TNFSF13B: variants seen among roughly 807,000 people sequenced by gnomAD.
TNFSF13B encodes tumor necrosis factor ligand superfamily member 13B.
TNFSF13B carries 8 observed loss-of-function variants against 29.1 expected under a neutral mutation model. The observed-to-expected ratio is 0.27, with a 90% CI of 0.16 to 0.50. The LOEUF is 0.50. Among genes scored for constraint, TNFSF13B ranks in the 20% least tolerant of loss-of-function variants. TNFSF13B has a pLI of 0.98. For synonymous variants in TNFSF13B, 125 were observed against 130.8 expected (o/e 0.96, Z 0.30); for missense variants, 248 against 334.9 (o/e 0.74, Z 2.03).
chr13:108,303,186 C>A (rs1158139306), intron 3 of TNFSF13B, 67 bp from the exon 4 acceptor site: 4 of 995,540 alleles, frequency 4.0e-6, no homozygotes, highest in African/African-American at 1.7e-5. Context: ...GGTAGCTTAA[C>A]AACTAAATGG....
chr13:108,286,795 CT>C lies in TNFSF13B; in HGVS notation c.425-3del. The C allele has an allele frequency of 1.3e-6, 2 of 1,546,868 alleles. No individual in the cohort carries two copies. Among genetic ancestry groups the C allele is most frequent in the South Asian group, 1.2e-5 (1 of 83,754 alleles). ...AAGTAACTAAAATGATAAATTTTTG[CT>C]TTTTAGTCACTCAAGACTGCTTGCA... On this transcript the variant is annotated splice_region_variant and splice_polypyrimidine_tract_variant and intron_variant, in intron 2 of 5. Transcript: ENST00000375887.
In TNFSF13B at chr13:108,303,296, A is replaced by T; in HGVS notation, c.525A>T (p.Gly175=). The change falls in exon 4 of 6, where the codon GGA becomes GGT. Residue 175 remains glycine, a synonymous_variant. Coordinates refer to ENST00000375887, the MANE Select transcript of TNFSF13B (RefSeq NM_006573.5). ...CATGGCTTCTCAGCTTTAAAAGGGG[A>T]AGTGCCCTAGAAGAAAAAGAGAATA... is the stretch of plus-strand genomic sequence containing the variant. ...FVPWLLSFKR[G]SALEEKENKI... The T allele has an allele frequency of 6.2e-7, 1 of 1,613,316 alleles. No individual in the cohort carries two copies. Among genetic ancestry groups the T allele is most frequent in the Non-Finnish European group, 8.5e-7 (1 of 1,179,606 alleles).
intron 2 of TNFSF13B, among the ~76,000 whole-genome samples, chr13:108,279,922 T>C (rs1880884122): frequency 6.6e-6 from 1 of 152,054 alleles, no homozygotes; most frequent in African/African-American, 2.4e-5. Flanking sequence ...AAGTGTCACC[T>C]CCCAGAGAAG....
chr13:108,284,247 T>G (rs1199201200), intron 2 of TNFSF13B, among the ~76,000 whole-genome samples: 1 of 152,176 alleles, frequency 6.6e-6, no homozygotes, highest in Non-Finnish European at 1.5e-5. Flanking sequence ...GAGAATGGCG[T>G]GAGCGCGGGA....
intron 2 of TNFSF13B, 78 bp downstream of exon 2, chr13:108,270,502 A>C: frequency 7.6e-7 from 1 of 1,319,484 alleles, no homozygotes; most frequent in South Asian, 1.2e-5. Context: ...GGAGGTGAGT[A>C]TCCCCTCTAT....
rs775818455 is a variant in TNFSF13B, at chr13:108,306,972, C to T, written c.*34C>T. 3.6e-6 allele frequency: 4 copies of T among 1,120,568 alleles called. No individual in the cohort carries two copies. Among genetic ancestry groups the T allele is most frequent in the Non-Finnish European group, 5.2e-6 (4 of 768,828 alleles). The allele number at this position is 1,120,568 out of a possible 1,614,324, so 69.4% of individuals were successfully genotyped here. A position where few individuals can be genotyped will look rare whatever the true frequency, so the allele number is the denominator to read the frequency against. ...CACCATGTCTGTAGCTATTTTCCTCCCTTTCTCTGTACCTCTAAGAAGAAA... is the reference window on the plus strand; with the variant it reads ...CACCATGTCTGTAGCTATTTTCCTCTCTTTCTCTGTACCTCTAAGAAGAAA... On this transcript the variant is annotated 3_prime_UTR_variant, in exon 6 of 6. Coordinates refer to ENST00000375887, the MANE Select transcript of TNFSF13B (RefSeq NM_006573.5).
chr13:108,275,733 C>T (rs1023238642), intron 2 of TNFSF13B, among the ~76,000 whole-genome samples: 1 of 151,988 alleles, frequency 6.6e-6, no homozygotes, highest in Non-Finnish European at 1.5e-5. Flanking sequence ...ATCCAGCTTC[C>T]CTAATACTAA....
intron 5 of TNFSF13B, 71 bp from the exon 6 acceptor site, chr13:108,306,755 A>T: frequency 1.1e-6 from 1 of 902,612 alleles, no homozygotes; most frequent in Non-Finnish European, 1.7e-6. Context: ...AGAACAAAAT[A>T]GTTTTATTTA....
Position 108,306,941 on chromosome 13 carries a change from T to C in TNFSF13B, c.*3T>C. ...TTGGTGCATTGAAACTGCTGTGACC[T>C]ACTTACACCATGTCTGTAGCTATTT... is the stretch of plus-strand genomic sequence containing the variant. On this transcript the variant is annotated 3_prime_UTR_variant, in exon 6 of 6. Transcript: ENST00000375887. 1 of 1,486,010 alleles carries C rather than the reference T, an allele frequency of 6.7e-7. No individual in the cohort carries two copies. The highest frequency in any genetic ancestry group is 9.1e-7 in the Non-Finnish European group (1 of 1,094,300). The allele number at this position is 1,486,010 out of a possible 1,614,324, so 92.1% of individuals were successfully genotyped here. A position where few individuals can be genotyped will look rare whatever the true frequency, so the allele number is the denominator to read the frequency against.
Position 108,269,814 on chromosome 13 carries a change from A to T in TNFSF13B, c.-82A>T. 1 of 1,339,328 alleles carries T rather than the reference A, an allele frequency of 7.5e-7. No individual in the cohort carries two copies. The highest frequency in any genetic ancestry group is 1.0e-6 in the Non-Finnish European group (1 of 977,042). The allele number at this position is 1,339,328 out of a possible 1,614,324, so 83.0% of individuals were successfully genotyped here. On this transcript the variant is annotated 5_prime_UTR_variant, in exon 1 of 6. Coordinates refer to ENST00000375887, the MANE Select transcript of TNFSF13B (RefSeq NM_006573.5). ...GCCATGTAGTGCACGCAGGACATCA[A>T]CAAACACAGATAACAGGAAATGATC...
At chr13:108,270,983 A>T (rs1880598085) in intron 2 of TNFSF13B, among the ~76,000 whole-genome samples, 1 of 151,570 alleles carries the variant, frequency 6.6e-6, no homozygotes. Flanking sequence ...ACAGACACAC[A>T]CACAGATTTT....
intron 2 of TNFSF13B, among the ~76,000 whole-genome samples, chr13:108,272,704 C>G (rs906519754): frequency 4.6e-5 from 7 of 151,590 alleles, no homozygotes; most frequent in African/African-American, 1.7e-4. Context: ...ATTGATTATT[C>G]TATTTATATG....
chr13:108,300,072 C>T (rs1292770457), intron 3 of TNFSF13B, among the ~76,000 whole-genome samples: 1 of 151,794 alleles, frequency 6.6e-6, no homozygotes, highest in Non-Finnish European at 1.5e-5. Context: ...TATCTCTAGC[C>T]AGAATGTAAA....
chr13:108,289,206 G>A (rs955854077), intron 3 of TNFSF13B, among the ~76,000 whole-genome samples: 2 of 151,728 alleles, frequency 1.3e-5, no homozygotes, highest in Non-Finnish European at 1.5e-5. Context: ...TTATGCAGCT[G>A]CTATACTCCA....
chr13:108,285,218 T>C (rs1881091402), intron 2 of TNFSF13B, among the ~76,000 whole-genome samples: 1 of 145,180 alleles, frequency 6.9e-6, no homozygotes, highest in Admixed American at 7.0e-5. Context: ...TACCAAGAAT[T>C]TCTTAACAGA....
chr13:108,303,214 C>A, intron 3 of TNFSF13B, 39 bp from the exon 4 acceptor site: 1 of 1,416,386 alleles, frequency 7.1e-7, no homozygotes. Flanking sequence ...AACTGCTTTT[C>A]TTGGTTTCTT....
intron 3 of TNFSF13B, chr13:108,303,039 C>G (rs901931355): frequency 3.9e-6 from 2 of 517,412 alleles, no homozygotes; most frequent in African/African-American, 4.0e-5. Flanking sequence ...GTTCTTGTAT[C>G]TGATATATTA....
At chr13:108,286,778 A>G (rs1881150144) in intron 2 of TNFSF13B, 25 bp from the exon 3 acceptor site, 2 of 1,526,874 alleles carry the variant, frequency 1.3e-6, no homozygotes, top group Non-Finnish European at 1.8e-6. Flanking sequence ...TCAAGTAACT[A>G]AAATGATAAA....
intron 3 of TNFSF13B, among the ~76,000 whole-genome samples, chr13:108,292,883 C>T (rs1400282487): frequency 1.3e-5 from 2 of 152,050 alleles, no homozygotes; most frequent in African/African-American, 4.8e-5. Flanking sequence ...TATCTTTTTA[C>T]TTTCTTGAGA....
Sources: allele counts gnomAD v4.1 joint callset (sites outside exome capture counted in the v4.1 genomes callset), GRCh38; gene constraint gnomAD v4.1.1; transcripts MANE v1.5; gene names NCBI Gene and HGNC (gene_info 2026-07-23, HGNC 2026-07-21).